Variants in CSMD1 observed in about 807,000 individuals in gnomAD.
CSMD1 encodes the protein CUB and sushi domain-containing protein 1.
A neutral mutation model predicts 417.5 loss-of-function variants in CSMD1; 213 were observed. The ratio of observed to expected loss-of-function variants is 0.51; its 90% CI spans 0.46 to 0.57. CSMD1 has a LOEUF of 0.57. CSMD1 is among the 20% of genes least tolerant of loss of function. The pLI is 0.00. For missense variants in CSMD1, 6,923 were observed against 4,529.7 expected (o/e 1.53, Z -15.17); for synonymous variants, 2,862 against 1,736.8 (o/e 1.65, Z -16.11).
At chr8:3,925,690 A>C (rs1464100586) in intron 5 of CSMD1, among the ~76,000 whole-genome samples, 1 of 151,842 alleles carries the variant, frequency 6.6e-6, no homozygotes, top group Admixed American at 6.6e-5. Context: ...TTCTCTTGCC[A>C]CCACCACGTA....
chr8:4,283,262 C>G (rs1441834724), intron 3 of CSMD1, among the ~76,000 whole-genome samples: 1 of 152,118 alleles, frequency 6.6e-6, no homozygotes, highest in African/African-American at 2.4e-5. Flanking sequence ...TAGATGAAGA[C>G]TTTTAATGCA....
intron 1 of CSMD1, among the ~76,000 whole-genome samples, chr8:4,831,034 A>G (rs549214978): frequency 1.3e-5 from 2 of 152,284 alleles, no homozygotes; most frequent in Admixed American, 6.5e-5. Context: ...GAATAACAGG[A>G]TGATCTACCC....
At chr8:4,572,270 A>G (rs973808886) in intron 2 of CSMD1, among the ~76,000 whole-genome samples, 2 of 152,044 alleles carry the variant, frequency 1.3e-5, no homozygotes, top group Admixed American at 6.6e-5. Flanking sequence ...TTTCCTTTCC[A>G]TATTTAGTGC....
chr8:3,911,984 C>G (rs868569474), intron 5 of CSMD1, among the ~76,000 whole-genome samples: 3 of 151,942 alleles, frequency 2.0e-5, no homozygotes, highest in African/African-American at 7.2e-5. Context: ...TTTCCTGAAC[C>G]GATAAAAATA....
intron 3 of CSMD1, among the ~76,000 whole-genome samples, chr8:4,346,317 A>G (rs1800775457): frequency 6.6e-6 from 1 of 152,178 alleles, no homozygotes; most frequent in African/African-American, 2.4e-5. Context: ...AGTGACCATA[A>G]ATCCAGTTTT....
intron 5 of CSMD1, among the ~76,000 whole-genome samples, chr8:3,766,180 G>T (rs926936532): frequency 1.3e-5 from 2 of 152,150 alleles, no homozygotes; most frequent in Non-Finnish European, 2.9e-5. Flanking sequence ...CCTGTCCACG[G>T]AAGGGACAGA....
At chr8:3,965,797 T>G (rs1417502897) in intron 5 of CSMD1, among the ~76,000 whole-genome samples, 1 of 151,892 alleles carries the variant, frequency 6.6e-6, no homozygotes, top group Non-Finnish European at 1.5e-5. Flanking sequence ...TTTTGTACCT[T>G]TAGTAGAGAT....
At chr8:4,136,163 G>A (rs77852367) in intron 3 of CSMD1, among the ~76,000 whole-genome samples, 2 of 152,088 alleles carry the variant, frequency 1.3e-5, no homozygotes, top group African/African-American at 4.8e-5. Context: ...TGTTTTCTTA[G>A]AAAAGATACG....
intron 2 of CSMD1, among the ~76,000 whole-genome samples, chr8:4,421,188 T>TA (rs1252917879): frequency 6.6e-6 from 1 of 152,176 alleles, no homozygotes; most frequent in South Asian, 2.1e-4. Context: ...ACTTTATGTG[T>TA]TAGCGAACGC....
intron 3 of CSMD1, among the ~76,000 whole-genome samples, chr8:4,355,255 CAAAT>C (rs553325297): frequency 2.0e-5 from 3 of 151,466 alleles, no homozygotes; most frequent in South Asian, 4.2e-4. Flanking sequence ...AACTCCATTT[CAAAT>C]AAATAAATAA....
chr8:3,779,417 G>C (rs549130821), intron 5 of CSMD1, among the ~76,000 whole-genome samples: 9 of 152,212 alleles, frequency 5.9e-5, no homozygotes, highest in African/African-American at 2.2e-4. Context: ...CACTACGTAG[G>C]AGCATCAAGA....
At chr8:4,056,528 T>C (rs1798700378) in intron 3 of CSMD1, among the ~76,000 whole-genome samples, 1 of 151,662 alleles carries the variant, frequency 6.6e-6, no homozygotes, top group Non-Finnish European at 1.5e-5. Context: ...GCATTTAATT[T>C]CAATTTTATT....
At chr8:3,843,061 A>G (rs373502110) in intron 5 of CSMD1, among the ~76,000 whole-genome samples, 1 of 152,174 alleles carries the variant, frequency 6.6e-6, no homozygotes, top group Admixed American at 6.5e-5. Context: ...TAAATGTTGT[A>G]ATGAGTTTCT....
intron 1 of CSMD1, among the ~76,000 whole-genome samples, chr8:4,717,625 T>G (rs1584991094): frequency 1.3e-5 from 2 of 151,680 alleles, no homozygotes; most frequent in African/African-American, 4.9e-5. Context: ...GAACTATATA[T>G]ATTTCTACAA....
At chr8:4,638,978 G>C (rs944038706) in intron 1 of CSMD1, among the ~76,000 whole-genome samples, 1 of 152,168 alleles carries the variant, frequency 6.6e-6, no homozygotes, top group Admixed American at 6.5e-5. Context: ...GTAGGCCCCA[G>C]GCTTCCTGCA....
chr8:4,576,608 T>C (rs957583595), intron 2 of CSMD1, among the ~76,000 whole-genome samples: 6 of 152,174 alleles, frequency 3.9e-5, no homozygotes, highest in African/African-American at 1.4e-4. Flanking sequence ...GTATCTAGCT[T>C]ACTCTGTATA....
intron 17 of CSMD1, among the ~76,000 whole-genome samples, chr8:3,393,610 C>A (rs980090401): frequency 6.6e-6 from 1 of 152,036 alleles, no homozygotes; most frequent in Non-Finnish European, 1.5e-5. Context: ...AAATGATAGA[C>A]TGGATTGAGA....
intron 2 of CSMD1, among the ~76,000 whole-genome samples, chr8:4,527,949 G>A (rs1477714563): frequency 2.0e-5 from 3 of 152,084 alleles, no homozygotes; most frequent in African/African-American, 4.8e-5. Flanking sequence ...ACTGGCCCAG[G>A]GCACTCTGGA....
intron 12 of CSMD1, among the ~76,000 whole-genome samples, chr8:3,452,159 C>A (rs62505629): frequency 3.1e-4 from 47 of 152,194 alleles, no homozygotes; most frequent in Admixed American, 8.5e-4. Context: ...TTTTTGCACA[C>A]TGATTTTGTA....
Sources: allele counts gnomAD v4.1 joint callset (sites outside exome capture counted in the v4.1 genomes callset), GRCh38; gene constraint gnomAD v4.1.1; transcripts MANE v1.5; gene names NCBI Gene and HGNC (gene_info 2026-07-23, HGNC 2026-07-21).